The following ARHGAP32 variants were observed in gnomAD, a reference collection of about 807,000 sequenced individuals.
ARHGAP32 encodes rho GTPase-activating protein 32.
ARHGAP32 carries 51 observed loss-of-function variants against 186.5 expected under a neutral mutation model. The observed-to-expected ratio is 0.27, with a 90% CI of 0.22 to 0.35. ARHGAP32 has a LOEUF of 0.35. Among genes scored for constraint, ARHGAP32 ranks in the 10% least tolerant of loss-of-function variants. The pLI is 1.00. For missense variants in ARHGAP32, 2,186 were observed against 2,623.5 expected, an observed-to-expected ratio of 0.83 and a Z score of 3.64; for synonymous variants, 950 against 964.3, an observed-to-expected ratio of 0.99 and a Z score of 0.27.
intron 11 of ARHGAP32, among the ~76,000 whole-genome samples, chr11:129,034,277 T>A (rs574937735): frequency 1.8e-4 from 28 of 152,360 alleles, no homozygotes; most frequent in African/African-American, 6.5e-4. Context: ...TTCTGTTTCA[T>A]CACCTTATCA....
chr11:128,980,224 T>C (rs1045889110), intron 18 of ARHGAP32, among the ~76,000 whole-genome samples: 3 of 152,232 alleles, frequency 2.0e-5, no homozygotes, highest in African/African-American at 7.2e-5. Flanking sequence ...CAACACAGCT[T>C]ATTTCTAAAC....
Position 129,245,549 on chromosome 11 carries a change from T to C in ARHGAP32, c.-5+33597A>G, listed in dbSNP as rs567573731. Among the ~76,000 whole-genome samples, 951 of 150,444 alleles carry C rather than the reference T, an allele frequency of 6.3e-3. 11 individuals carry two copies. Among genetic ancestry groups the C allele is most frequent in the African/African-American group, 0.022 (912 of 41,124 alleles). ...CACCAGCATGGCACATGTATACATA[T>C]GTAACTAACCTGCACAATGTGCACA... On this transcript the variant is annotated intron_variant, in intron 1 of 6. Coordinates refer to the ARHGAP32 transcript ENST00000525234.
chr11:129,033,400 C>G (rs1342427486), intron 11 of ARHGAP32, among the ~76,000 whole-genome samples: 2 of 152,178 alleles, frequency 1.3e-5, no homozygotes, highest in Admixed American at 6.5e-5. Context: ...AATGTATATT[C>G]TTGCCAACCT....
intron 10 of ARHGAP32, among the ~76,000 whole-genome samples, chr11:129,046,110 G>A (rs1323529840): frequency 3.3e-5 from 5 of 151,850 alleles, no homozygotes; most frequent in African/African-American, 4.8e-5. Flanking sequence ...AGCGCCCACC[G>A]TATACACACT....
chr11:128,995,871 C>A (rs1356030793), intron 12 of ARHGAP32, among the ~76,000 whole-genome samples: 1 of 152,138 alleles, frequency 6.6e-6, no homozygotes, highest in East Asian at 1.9e-4. Flanking sequence ...TTGGGTATTT[C>A]GTTTTCTTTG....
At chr11:129,031,710 C>A (rs75446615) in intron 11 of ARHGAP32, among the ~76,000 whole-genome samples, 58 of 152,350 alleles carry the variant, frequency 3.8e-4, no homozygotes, top group African/African-American at 1.3e-3. Context: ...ACTCTCAAGC[C>A]TGGACCTATG....
chr11:129,096,240 T>C (rs588118), intron 5 of ARHGAP32, among the ~76,000 whole-genome samples: 74,899 of 152,018 alleles, frequency 0.49, 18,681 homozygotes, highest in South Asian at 0.61. Context: ...AGAAAGAGAA[T>C]GTAAATTAAA....
At chr11:129,236,613 C>T (rs1219875337) in intron 1 of ARHGAP32, among the ~76,000 whole-genome samples, 1 of 152,188 alleles carries the variant, frequency 6.6e-6, no homozygotes, top group East Asian at 1.9e-4. Flanking sequence ...CATCCTGAAA[C>T]TCTGCTGAAT....
Position 128,981,840 on chromosome 11 carries a change from T to C in ARHGAP32, c.1623A>G (p.Pro541=). The C allele has an allele frequency of 6.2e-7, 1 of 1,610,368 alleles. No homozygotes were observed. The highest frequency in any genetic ancestry group is 8.5e-7 in the Non-Finnish European group (1 of 1,177,270). The change falls in exon 16 of 23, where the codon CCA becomes CCG. Residue 541 remains proline (P), a synonymous_variant. Transcript: ENST00000682385. ...GAAATGCAAATTACCTTAACAGGTT[T>C]GGAGCCCAAACAATTGCTAGATTTT... ...HAKNLAIVWA[P]NLLRSKQIES...
intron 1 of ARHGAP32, among the ~76,000 whole-genome samples, chr11:129,240,672 G>C (rs950668813): frequency 2.6e-5 from 4 of 152,178 alleles, no homozygotes; most frequent in African/African-American, 9.7e-5. Context: ...TAAGCAAAAA[G>C]TAAGTAATCT....
At chr11:129,159,459 T>C (rs1943482696) in intron 2 of ARHGAP32, among the ~76,000 whole-genome samples, 1 of 151,984 alleles carries the variant, frequency 6.6e-6, no homozygotes, top group Non-Finnish European at 1.5e-5. Context: ...CTAGAAGAAA[T>C]GGATAAATTC....
intron 5 of ARHGAP32, 64 bp from the exon 6 acceptor site, chr11:129,093,771 A>C: frequency 1.8e-6 from 2 of 1,109,166 alleles, no homozygotes; most frequent in Non-Finnish European, 2.7e-6. Context: ...AGAATAAACT[A>C]AGCATTCATA....
chr11:129,201,168 G>C (rs1944451295), intron 1 of ARHGAP32, among the ~76,000 whole-genome samples: 1 of 152,134 alleles, frequency 6.6e-6, no homozygotes, highest in African/African-American at 2.4e-5. Flanking sequence ...GGGATATTAA[G>C]TGGAAATTTC....
intron 1 of ARHGAP32, among the ~76,000 whole-genome samples, chr11:129,245,672 A>G (rs1195393649): frequency 1.5e-5 from 1 of 66,314 alleles, no homozygotes; most frequent in Non-Finnish European, 3.3e-5. Context: ...TAATAATAAT[A>G]ATAATAATAA....
chr11:129,100,180 G>C (rs1183543973), intron 5 of ARHGAP32, among the ~76,000 whole-genome samples: 3 of 152,204 alleles, frequency 2.0e-5, no homozygotes, highest in African/African-American at 7.2e-5. Context: ...AGCACATTTA[G>C]GAGTGGTCAT....
intron 21 of ARHGAP32, 90 bp downstream of exon 21, chr11:128,974,034 G>A (rs1801401246): frequency 6.9e-7 from 1 of 1,458,196 alleles, no homozygotes; most frequent in South Asian, 1.3e-5. Context: ...GCTAGCTGTG[G>A]ACAAATTTCT....
In ARHGAP32 at chr11:129,062,335, A is replaced by G. The variant is rs1188486052; in HGVS notation, c.908T>C (p.Ile303Thr). Reference sequence around the variant, plus strand: ...GCTTAACACTTTCGGGGGCATGTCAATAACAGAAACAATGTCTCCCACCTA... The same window carrying G: ...GCTTAACACTTTCGGGGGCATGTCAGTAACAGAAACAATGTCTCCCACCTA... Reference protein sequence around the residue: ...TLEVGDIVSVIDMPPKVLSTW... With the variant: ...TLEVGDIVSVTDMPPKVLSTW... The change falls in exon 10 of 23, where the codon ATT (isoleucine) becomes ACT (threonine). Residue 303 changes from isoleucine to threonine, a missense_variant. Coordinates refer to ENST00000682385, the MANE Select transcript of ARHGAP32 (RefSeq NM_001378024.1). 1.9e-6 allele frequency: 3 copies of G among 1,613,636 alleles called. No homozygotes were observed. Among genetic ancestry groups the G allele is most frequent in the Non-Finnish European group, 2.5e-6 (3 of 1,179,720 alleles).
intron 12 of ARHGAP32, among the ~76,000 whole-genome samples, chr11:128,988,679 A>T (rs776100743): frequency 2.0e-5 from 3 of 152,212 alleles, no homozygotes; most frequent in Non-Finnish European, 2.9e-5. Context: ...TGCAAAGCCC[A>T]AGGCAATTTC....
chr11:129,168,734 T>A (rs981280443), intron 1 of ARHGAP32, among the ~76,000 whole-genome samples: 3 of 152,144 alleles, frequency 2.0e-5, no homozygotes, highest in Non-Finnish European at 4.4e-5. Flanking sequence ...CAAGCATATA[T>A]GAAACATTTA....
Sources: gnomAD v4.1 joint callset for allele counts (sites outside exome capture counted in the v4.1 genomes callset) on GRCh38, gnomAD v4.1.1 for gene constraint, MANE v1.5 for transcripts, NCBI Gene and HGNC (gene_info 2026-07-23, HGNC 2026-07-21) for gene names.